The following DCUN1D4 variants were observed in gnomAD, a reference collection of about 807,000 sequenced individuals.
The protein encoded by DCUN1D4 is defective in cullin neddylation 1 domain containing 4, also known as DCN1-like protein 4.
Under a neutral mutation model 47.9 loss-of-function variants are expected in DCUN1D4, and 22 were observed. The ratio of observed to expected loss-of-function variants is 0.46; its 90% CI spans 0.33 to 0.66. DCUN1D4 has a LOEUF of 0.66. Among genes scored for constraint, DCUN1D4 ranks in the 30% least tolerant of loss-of-function variants. DCUN1D4 has a pLI of 0.02. For missense variants in DCUN1D4, 301 were observed against 340.8 expected, an observed-to-expected ratio of 0.88 and a Z score of 0.92; for synonymous variants, 121 against 112.2, an observed-to-expected ratio of 1.08 and a Z score of -0.50.
At chr4:51,903,079 A>G (rs1297549487) in intron 8 of DCUN1D4, among the ~76,000 whole-genome samples, 1 of 152,170 alleles carries the variant, frequency 6.6e-6, no homozygotes, top group Non-Finnish European at 1.5e-5. Flanking sequence ...ATTGGCAAAA[A>G]TGTCTTTTAT....
In DCUN1D4 at chr4:51,911,083, G is replaced by T. The variant is rs775715186; in HGVS notation, c.629G>T (p.Arg210Leu). 1 of 1,613,674 alleles carries T rather than the reference G, an allele frequency of 6.2e-7. No homozygotes were observed. The change falls in exon 9 of 11, where the codon CGC becomes CTC. Residue 210 changes from arginine to leucine, a missense_variant. Transcript: ENST00000334635. Reference sequence around the variant, plus strand: ...TTTGTTAAACAGGAAAAGGACCAGCGCAGCCTAGACATAAACACTGCCAAG... The same window carrying T: ...TTTGTTAAACAGGAAAAGGACCAGCTCAGCCTAGACATAAACACTGCCAAG... Reference protein sequence around the residue: ...AFDFAREKDQRSLDINTAKCM... With the variant: ...AFDFAREKDQLSLDINTAKCM...
chr4:51,836,012 GC>G, the DCUN1D4 span, among the ~76,000 whole-genome samples: 1 of 152,090 alleles, frequency 6.6e-6, no homozygotes, highest in Admixed American at 6.6e-5. Context: ...TAACCCACCA[GC>G]CCCCTAACAG....
At chr4:51,843,579 G>C in intron 1 of DCUN1D4, 1 of 1,282,276 alleles carries the variant, frequency 7.8e-7, no homozygotes, top group Non-Finnish European at 9.8e-7. Context: ...CGGAGTGTCC[G>C]GGGTGCATGG....
intron 6 of DCUN1D4, chr4:51,886,892 T>TA: frequency 4.4e-6 from 2 of 457,110 alleles, no homozygotes; most frequent in South Asian, 4.3e-5. Flanking sequence ...GCCAGATGCT[T>TA]ACAAAATGGT....
At chr4:51,868,836 C>T (rs1289232663) in intron 3 of DCUN1D4, among the ~76,000 whole-genome samples, 2 of 152,124 alleles carry the variant, frequency 1.3e-5, no homozygotes, top group Admixed American at 6.5e-5. Flanking sequence ...AGAGCCCAAT[C>T]AGGCTGGGTG....
At chr4:51,838,750 G>T (rs1459070542), upstream of DCUN1D4, among the ~76,000 whole-genome samples, 1 of 152,136 alleles carries the variant, frequency 6.6e-6, no homozygotes, top group East Asian at 1.9e-4. Flanking sequence ...AATCTCTGAG[G>T]TATATAGGGG....
intron 3 of DCUN1D4, among the ~76,000 whole-genome samples, chr4:51,872,931 C>A (rs745398244): frequency 1.6e-4 from 24 of 152,380 alleles, no homozygotes; most frequent in Admixed American, 1.3e-3. Flanking sequence ...ATTTCAGCAA[C>A]ACCCGAACAC....
At chr4:51,891,694 CTATT>C in intron 6 of DCUN1D4, 62 bp from the exon 7 acceptor site, 3 of 1,259,796 alleles carry the variant, frequency 2.4e-6, no homozygotes, top group Non-Finnish European at 3.4e-6. Flanking sequence ...AATGACAGAT[CTATT>C]TGTTTTTTCT....
intron 7 of DCUN1D4, among the ~76,000 whole-genome samples, chr4:51,897,290 C>T (rs911518023): frequency 1.3e-5 from 2 of 152,060 alleles, no homozygotes; most frequent in South Asian, 4.2e-4. Context: ...TTTATCATAT[C>T]AACAAAGAGA....
rs1191353373 is a variant in DCUN1D4 at position 51,913,297 on chromosome 4, A to G, written c.728A>G (p.Lys243Arg). 2 of 1,604,154 alleles carry G rather than the reference A, an allele frequency of 1.2e-6. No individual in the cohort carries two copies. Among genetic ancestry groups the G allele is most frequent in the Admixed American group, 3.4e-5 (2 of 59,496 alleles). ...TACTTTTCCCTCCATCAGCAATCAA[A>G]ATACAAAGTTATTAATAAAGACCAG... The part of the protein sequence containing the change: ...PVFHQFLEQS[K>R]YKVINKDQWC... Residue 243 changes from lysine to arginine, a missense_variant, in exon 10 of 11, where the codon AAA becomes AGA. By Grantham distance (26) the Lys-to-Arg change is conservative. This residue lies in a region of DCUN1D4 where 170 missense variants were observed against 234.5 expected (regional missense o/e 0.73). Coordinates refer to ENST00000334635, the MANE Select transcript of DCUN1D4 (RefSeq NM_001040402.3).
chr4:51,904,200 A>G (rs939402390), intron 8 of DCUN1D4, among the ~76,000 whole-genome samples: 1 of 152,062 alleles, frequency 6.6e-6, no homozygotes, highest in Admixed American at 6.6e-5. Flanking sequence ...AGCAGTCTTG[A>G]TAGGGATGAT....
intron 1 of DCUN1D4, among the ~76,000 whole-genome samples, chr4:51,857,168 T>A (rs1724265398): frequency 6.6e-6 from 1 of 152,216 alleles, no homozygotes; most frequent in Admixed American, 6.5e-5. Context: ...GTGAGACAAC[T>A]GAAATTTCTT....
intron 1 of DCUN1D4, chr4:51,843,651 G>A (rs1170841587): frequency 6.4e-6 from 8 of 1,254,722 alleles, no homozygotes; most frequent in Non-Finnish European, 8.0e-6. Context: ...TGGCACCGGC[G>A]GGGAGAGGGA....
At chr4:51,864,744 C>CT (rs762672329) in intron 3 of DCUN1D4, among the ~76,000 whole-genome samples, 3 of 152,188 alleles carry the variant, frequency 2.0e-5, no homozygotes, top group Non-Finnish European at 2.9e-5. Context: ...AACTCTACCT[C>CT]TTACTACCAG....
At chr4:51,899,467 C>A in intron 8 of DCUN1D4, 89 bp downstream of exon 8, 1 of 1,482,192 alleles carries the variant, frequency 6.7e-7, no homozygotes, top group South Asian at 1.4e-5. Flanking sequence ...CATGCCACAG[C>A]AAAAAAACTT....
chr4:51,836,538 C>T, the DCUN1D4 span, among the ~76,000 whole-genome samples: 1 of 152,062 alleles, frequency 6.6e-6, no homozygotes, highest in African/African-American at 2.4e-5. Flanking sequence ...AACATAGCCC[C>T]TGTGGTAGAT....
chr4:51,848,138 C>T, intron 1 of DCUN1D4: 2 of 1,203,570 alleles, frequency 1.7e-6, no homozygotes, highest in Non-Finnish European at 1.1e-6. Context: ...TTCACCTACT[C>T]ATTCTTTGCA....
intron 1 of DCUN1D4, among the ~76,000 whole-genome samples, chr4:51,856,074 T>C (rs925258456): frequency 2.6e-5 from 4 of 152,228 alleles, no homozygotes; most frequent in African/African-American, 7.2e-5. Context: ...ACCTCAGTCG[T>C]GTTCTTGTTC....
chr4:51,891,846 T>A lies in DCUN1D4; in HGVS notation c.501T>A (p.Ser167=). 1 of 1,609,688 alleles carries A rather than the reference T, an allele frequency of 6.2e-7. No homozygotes were observed. Among genetic ancestry groups the A allele is most frequent in the Non-Finnish European group, 8.5e-7 (1 of 1,177,566 alleles). ...TLQEWLKGMT[S]LQCDTTEKLR... is the part of the protein sequence containing the mutation. Reference sequence around the variant, plus strand: ...AGGAGTGGTTAAAAGGAATGACTTCTCTCCAGTAAGTCCTAGGCTGCACTA... The same window carrying A: ...AGGAGTGGTTAAAAGGAATGACTTCACTCCAGTAAGTCCTAGGCTGCACTA... Residue 167 remains serine, a synonymous_variant, in exon 7 of 11, where the codon TCT becomes TCA. Coordinates refer to ENST00000334635, the MANE Select transcript of DCUN1D4 (RefSeq NM_001040402.3).
Sources: allele counts gnomAD v4.1 joint callset (sites outside exome capture counted in the v4.1 genomes callset), GRCh38; gene constraint gnomAD v4.1.1; regional missense constraint gnomAD v4.1.1; transcripts MANE v1.5; gene names NCBI Gene and HGNC (gene_info 2026-07-23, HGNC 2026-07-21).